The following RSPO3 variants were observed in gnomAD, a reference collection of about 807,000 sequenced individuals.
The protein encoded by RSPO3 is R-spondin-3.
In RSPO3, 17 loss-of-function variants were observed where a neutral mutation model predicts 36.5. The ratio of observed to expected loss-of-function variants is 0.47; its 90% CI spans 0.32 to 0.70. RSPO3 has a LOEUF of 0.70. Ranked by LOEUF, RSPO3 falls within the 30% of genes least tolerant of loss-of-function variation. The pLI, the probability that RSPO3 is intolerant of heterozygous loss-of-function variation, is 0.04. For synonymous variants in RSPO3, 108 were observed against 107.0 expected (o/e 1.01, Z -0.06); for missense variants, 294 against 322.5 (o/e 0.91, Z 0.68).
chr6:127,127,341 A>C (rs1342637537), intron 1 of RSPO3, among the ~76,000 whole-genome samples: 1 of 152,126 alleles, frequency 6.6e-6, no homozygotes, highest in Non-Finnish European at 1.5e-5. Context: ...ATATATGCAA[A>C]GCAAATATCA....
At chr6:127,132,012 C>T (rs1160464312) in intron 1 of RSPO3, among the ~76,000 whole-genome samples, 3 of 152,058 alleles carry the variant, frequency 2.0e-5, no homozygotes, top group Non-Finnish European at 4.4e-5. Flanking sequence ...CACTGAAATA[C>T]CTTTTTGTTA....
intron 1 of RSPO3, among the ~76,000 whole-genome samples, chr6:127,131,998 T>C (rs1411957771): frequency 6.6e-6 from 1 of 152,148 alleles, no homozygotes. Context: ...TGAATTGCTC[T>C]GGGCACTGAA....
intron 4 of RSPO3, among the ~76,000 whole-genome samples, chr6:127,161,146 T>C (rs981090025): frequency 6.6e-6 from 1 of 152,132 alleles, no homozygotes; most frequent in Non-Finnish European, 1.5e-5. Flanking sequence ...TCCTCTGGCA[T>C]TGACATTATA....
At chr6:127,157,307 C>T (rs1774613159) in intron 4 of RSPO3, among the ~76,000 whole-genome samples, 1 of 152,060 alleles carries the variant, frequency 6.6e-6, no homozygotes, top group South Asian at 2.1e-4. Context: ...GTATTCAGTA[C>T]ACATTCCTTT....
intron 1 of RSPO3, among the ~76,000 whole-genome samples, chr6:127,120,971 G>A (rs1315877786): frequency 1.3e-5 from 2 of 152,238 alleles, no homozygotes; most frequent in Admixed American, 6.5e-5. Flanking sequence ...TCCTCCCAGG[G>A]TCTGGCCTGG....
intron 4 of RSPO3, among the ~76,000 whole-genome samples, chr6:127,191,458 T>C (rs1054941315): frequency 6.6e-6 from 1 of 152,162 alleles, no homozygotes; most frequent in East Asian, 1.9e-4. Context: ...TTTTTATATG[T>C]TTTGGAACAT....
At chr6:127,163,987 G>A (rs1427901317) in intron 4 of RSPO3, among the ~76,000 whole-genome samples, 1 of 152,006 alleles carries the variant, frequency 6.6e-6, no homozygotes, top group Non-Finnish European at 1.5e-5. Flanking sequence ...ATTCCTCATT[G>A]TTTGTCGGCC....
At chr6:127,123,197 A>G (rs1018169369) in intron 1 of RSPO3, among the ~76,000 whole-genome samples, 1 of 152,292 alleles carries the variant, frequency 6.6e-6, no homozygotes, top group South Asian at 2.1e-4. Context: ...CTTTGTGATT[A>G]TGTTGTGAAT....
At chr6:127,139,540 T>A (rs796501584) in intron 1 of RSPO3, among the ~76,000 whole-genome samples, 7 of 103,580 alleles carry the variant, frequency 6.8e-5, no homozygotes, top group African/African-American at 2.7e-4. Flanking sequence ...TTAAAAAAAA[T>A]ATATCTTTTT....
chr6:127,173,172 T>C (rs1202969240), intron 4 of RSPO3, among the ~76,000 whole-genome samples: 3 of 151,898 alleles, frequency 2.0e-5, no homozygotes, highest in Non-Finnish European at 2.9e-5. Flanking sequence ...ATCTGCTTCA[T>C]CTTTCTGTTT....
At position 127,174,246 on chromosome 6, in the gene RSPO3, T is replaced by C. The variant is rs1239169563; in HGVS notation, c.634+18808T>C. On this transcript the variant is annotated intron_variant, in intron 4 of 4. Transcript: ENST00000356698. ...ATGGATATGTTTCCTTTAATTTGTA[T>C]ACAGATTTTCAGAATTAAGATGTGG... Among the ~76,000 whole-genome samples the C allele has an allele frequency of 2.0e-5, 3 of 151,894 alleles. 1 individual carries two copies. In the East Asian group the frequency reaches 5.8e-4, roughly 30 times the overall value.
At chr6:127,160,475 A>C (rs543198556) in intron 4 of RSPO3, among the ~76,000 whole-genome samples, 318 of 152,338 alleles carry the variant, frequency 2.1e-3, no homozygotes, top group African/African-American at 7.0e-3. Context: ...GCAGCAGTGT[A>C]CAGCAGCAGC....
At chr6:127,141,719 GT>G (rs1382830638) in intron 1 of RSPO3, among the ~76,000 whole-genome samples, 3 of 152,256 alleles carry the variant, frequency 2.0e-5, no homozygotes, top group African/African-American at 7.2e-5. Context: ...TGTTGATTTA[GT>G]AGGATAAAAG....
At chr6:127,127,339 A>C (rs752190637) in intron 1 of RSPO3, among the ~76,000 whole-genome samples, 2 of 152,148 alleles carry the variant, frequency 1.3e-5, no homozygotes, top group Non-Finnish European at 2.9e-5. Flanking sequence ...TCATATATGC[A>C]AAGCAAATAT....
At chr6:127,179,898 C>T (rs1401394210) in intron 4 of RSPO3, among the ~76,000 whole-genome samples, 1 of 151,874 alleles carries the variant, frequency 6.6e-6, no homozygotes, top group Non-Finnish European at 1.5e-5. Flanking sequence ...TCTGCCTCTT[C>T]TTCCACTTTC....
At chr6:127,191,089 G>T (rs1003376049) in intron 4 of RSPO3, among the ~76,000 whole-genome samples, 3 of 152,096 alleles carry the variant, frequency 2.0e-5, no homozygotes, top group Admixed American at 2.0e-4. Context: ...ACTTGAACAG[G>T]TTTTAAAAAG....
In RSPO3 at chr6:127,197,919, G is replaced by C. The variant is rs1365783233; in HGVS notation, c.*1912G>C. Reference sequence around the variant, plus strand: ...AGAAACAAACTTTATCCTACAGAATGATGTTAGGTAGAAATATGTCCCCAG... The same window carrying C: ...AGAAACAAACTTTATCCTACAGAATCATGTTAGGTAGAAATATGTCCCCAG... On this transcript the variant is annotated 3_prime_UTR_variant, in exon 5 of 5. Transcript: ENST00000356698. 6.6e-6 allele frequency among the ~76,000 whole-genome samples: 1 copy of C among 152,204 alleles called. No individual in the cohort carries two copies. Among genetic ancestry groups the C allele is most frequent in the African/African-American group, 2.4e-5 (1 of 41,456 alleles).
chr6:127,131,218 C>T (rs1427204882), intron 1 of RSPO3, among the ~76,000 whole-genome samples: 1 of 152,020 alleles, frequency 6.6e-6, no homozygotes, highest in Admixed American at 6.6e-5. Flanking sequence ...GTTTTTAAAC[C>T]TGTGGGCATT....
chr6:127,176,049 A>T (rs996738584), intron 4 of RSPO3, among the ~76,000 whole-genome samples: 4 of 151,784 alleles, frequency 2.6e-5, no homozygotes, highest in African/African-American at 9.7e-5. Flanking sequence ...GCAGATCCAG[A>T]CATAAAGACA....
Sources: allele counts gnomAD v4.1 joint callset (sites outside exome capture counted in the v4.1 genomes callset), GRCh38; gene constraint gnomAD v4.1.1; transcripts MANE v1.5; gene names NCBI Gene and HGNC (gene_info 2026-07-23, HGNC 2026-07-21).